The following KCNH1 variants were observed in gnomAD, a reference collection of about 807,000 sequenced individuals.
KCNH1 encodes potassium voltage-gated channel subfamily H member 1.
Under a neutral mutation model 69.2 loss-of-function variants are expected in KCNH1, and 27 were observed. The ratio of observed to expected loss-of-function variants is 0.39; its 90% CI spans 0.29 to 0.54. The LOEUF is 0.54. KCNH1 is among the 20% of genes least tolerant of loss of function. The pLI, the probability that KCNH1 is intolerant of heterozygous loss-of-function variation, is 0.68. For synonymous variants in KCNH1, 456 were observed against 487.7 expected (o/e 0.93, Z 0.86); for missense variants, 798 against 1,261.6 (o/e 0.63, Z 5.57).
At chr1:210,984,623 C>A (rs929473691) in intron 6 of KCNH1, among the ~76,000 whole-genome samples, 3 of 152,158 alleles carry the variant, frequency 2.0e-5, no homozygotes, top group Admixed American at 2.0e-4. Context: ...AGGGATGAAG[C>A]CCACTTGATC....
At chr1:210,911,035 G>A (rs1174566086) in intron 7 of KCNH1, among the ~76,000 whole-genome samples, 1 of 151,522 alleles carries the variant, frequency 6.6e-6, no homozygotes, top group African/African-American at 2.4e-5. Context: ...GTTAACTGTG[G>A]AGAAAATACC....
At position 210,714,057 on chromosome 1, in the gene KCNH1, C is replaced by G. The variant is rs115047027; in HGVS notation, c.2113-29919G>C. On this transcript the variant is annotated intron_variant, in intron 10 of 10. Transcript: ENST00000271751. ...CGGGGCTAATATGCTGCCTGCCCTG[C>G]TCCCACTGTGAGACACATGTGAAGA... Among the ~76,000 whole-genome samples the G allele has an allele frequency of 6.3e-3, 966 of 152,290 alleles. 8 individuals carry two copies. The highest frequency in any genetic ancestry group is 0.022 in the African/African-American group (903 of 41,568).
At chr1:211,113,859 G>T (rs1347596641) in intron 1 of KCNH1, among the ~76,000 whole-genome samples, 1 of 151,886 alleles carries the variant, frequency 6.6e-6, no homozygotes, top group Non-Finnish European at 1.5e-5. Context: ...GTGGGTGGGG[G>T]TGTTCAGGGG....
At chr1:210,735,250 C>T (rs939038768) in intron 10 of KCNH1, among the ~76,000 whole-genome samples, 2 of 152,144 alleles carry the variant, frequency 1.3e-5, no homozygotes, top group Non-Finnish European at 2.9e-5. Context: ...CTCCATAGAC[C>T]TAGCGTACAC....
intron 7 of KCNH1, among the ~76,000 whole-genome samples, chr1:210,876,502 G>A (rs1038653482): frequency 1.3e-5 from 2 of 152,204 alleles, no homozygotes; most frequent in South Asian, 4.2e-4. Flanking sequence ...AATGGGACAG[G>A]TTATGACATA....
chr1:210,917,299 CACAG>C (rs908362721), intron 7 of KCNH1, among the ~76,000 whole-genome samples: 3 of 142,060 alleles, frequency 2.1e-5, no homozygotes, highest in Admixed American at 1.4e-4. Context: ...GAAAGAGAAA[CACAG>C]AGAGAGAGAG....
At chr1:210,744,665 C>CA (rs997251424) in intron 10 of KCNH1, among the ~76,000 whole-genome samples, 41 of 151,666 alleles carry the variant, frequency 2.7e-4, no homozygotes, top group African/African-American at 8.7e-4. Context: ...CAAAACAAAA[C>CA]AAAAAAAACC....
Position 210,919,670 on chromosome 1 carries a change from T to C in KCNH1, c.1432A>G (p.Ile478Val), listed in dbSNP as rs1439035136. 3.1e-6 allele frequency: 5 copies of C among 1,614,084 alleles called. No individual in the cohort carries two copies. The highest frequency in any genetic ancestry group is 1.1e-5 in the South Asian group (1 of 91,084). Residue 478 changes from isoleucine to valine, a missense_variant, in exon 7 of 11, where the codon ATC (isoleucine) becomes GTC (valine). By Grantham distance (29) the Ile-to-Val change is conservative. Coordinates refer to ENST00000271751, the MANE Select transcript of KCNH1 (RefSeq NM_172362.3). The surrounding 1 kb of genome is among the most constrained non-coding windows in gnomAD (Gnocchi z 4.2). ...ATCATCATGATGGCCACTGCAAAGA[T>C]CTTCTCAATGTCTGTGGATGGGGCG... ...NIAPSTDIEK[I>V]FAVAIMMIGS...
rs141442681 is a variant in KCNH1, at chr1:210,683,718, C to T, written c.2533G>A (p.Gly845Arg). 46 of 1,614,072 alleles carry T rather than the reference C, an allele frequency of 2.8e-5. No individual in the cohort carries two copies. Among genetic ancestry groups the T allele is most frequent in the East Asian group, 4.5e-5 (2 of 44,876 alleles). The change falls in exon 11 of 11, where the codon GGG becomes AGG. Residue 845 changes from glycine (G) to arginine (R), a missense_variant. Transcript: ENST00000271751. The surrounding 1 kb of genome is among the most constrained non-coding windows in gnomAD (Gnocchi z 5.7). ...KSWARFKDAC[G>R]KSEDWNKVSK... Reference sequence around the variant, plus strand: ...ACCTTGTTCCAGTCCTCACTCTTCCCGCAAGCATCTTTGAAGCGGGCCCAG... The same window carrying T: ...ACCTTGTTCCAGTCCTCACTCTTCCTGCAAGCATCTTTGAAGCGGGCCCAG...
At chr1:210,960,767 TA>T (rs1369019056) in intron 6 of KCNH1, among the ~76,000 whole-genome samples, 28 of 152,188 alleles carry the variant, frequency 1.8e-4, no homozygotes, top group Non-Finnish European at 1.5e-5. Context: ...CTTCAGTAAA[TA>T]AAAGTCAAGT....
intron 4 of KCNH1, among the ~76,000 whole-genome samples, chr1:211,087,365 A>G (rs995436516): frequency 6.6e-6 from 1 of 152,190 alleles, no homozygotes; most frequent in Non-Finnish European, 1.5e-5. Context: ...GGATTGACTC[A>G]TCCTTTGGTG....
At chr1:210,882,378 G>A (rs1686514596) in intron 7 of KCNH1, among the ~76,000 whole-genome samples, 1 of 152,070 alleles carries the variant, frequency 6.6e-6, no homozygotes, top group African/African-American at 2.4e-5. Flanking sequence ...TTCCCATCAA[G>A]GGAGGAGAGA....
chr1:210,969,666 G>A (rs997016391), intron 6 of KCNH1, among the ~76,000 whole-genome samples: 1 of 152,030 alleles, frequency 6.6e-6, no homozygotes, highest in Non-Finnish European at 1.5e-5. Context: ...TCTCACCAAA[G>A]TTTTATCATT....
intron 3 of KCNH1, among the ~76,000 whole-genome samples, chr1:211,095,343 C>T (rs1205891472): frequency 6.6e-6 from 1 of 152,080 alleles, no homozygotes; most frequent in African/African-American, 2.4e-5. Context: ...ACTTGATAAC[C>T]CTACTGATGG....
At chr1:210,834,537 G>A (rs1163192899) in intron 7 of KCNH1, among the ~76,000 whole-genome samples, 1 of 103,954 alleles carries the variant, frequency 9.6e-6, no homozygotes, top group Non-Finnish European at 1.9e-5. Context: ...ACTGTTGTGG[G>A]GTGGGGGGAG....
In KCNH1 at chr1:210,861,851, T is replaced by C. The variant is rs1218151411; in HGVS notation, c.1463-57685A>G. 6.6e-6 allele frequency: 5 copies of C among 760,718 alleles called. No homozygotes were observed. The East Asian group carries it at 1.2e-4, about 19-fold the overall frequency. The allele number at this position is 760,718 out of a possible 1,614,324, so 47.1% of individuals were successfully genotyped here. A position where few individuals can be genotyped will look rare whatever the true frequency, so the allele number is the denominator to read the frequency against. ...AGCTGATAAAGGCAAATAATTCCTA[T>C]CCAACAAGCACTGTTATCACACTGA... On this transcript the variant is annotated intron_variant, in intron 7 of 10. Transcript: ENST00000271751.
chr1:210,902,308 C>T (rs532423413), intron 7 of KCNH1, among the ~76,000 whole-genome samples: 51 of 152,258 alleles, frequency 3.3e-4, no homozygotes, highest in African/African-American at 1.2e-3. Flanking sequence ...TCAGTTTTAG[C>T]CCAGAGGGTC....
chr1:210,968,084 T>C (rs910242065), intron 6 of KCNH1, among the ~76,000 whole-genome samples: 2 of 151,712 alleles, frequency 1.3e-5, no homozygotes, highest in African/African-American at 4.8e-5. Context: ...GATCTCACTG[T>C]TCAGTTCCCA....
intron 6 of KCNH1, among the ~76,000 whole-genome samples, chr1:210,984,276 G>C (rs1688781186): frequency 6.6e-6 from 1 of 152,058 alleles, no homozygotes; most frequent in Non-Finnish European, 1.5e-5. Context: ...TCCTTCTCCT[G>C]CCTGATTGCC....
Sources: allele counts gnomAD v4.1 joint callset (sites outside exome capture counted in the v4.1 genomes callset), GRCh38; gene constraint gnomAD v4.1.1; non-coding constraint Gnocchi (gnomAD v3.1); transcripts MANE v1.5; gene names NCBI Gene and HGNC (gene_info 2026-07-23, HGNC 2026-07-21).